PDE1C: variants seen among roughly 807,000 people sequenced by gnomAD.
PDE1C encodes dual specificity calcium/calmodulin-dependent 3',5'-cyclic nucleotide phosphodiesterase 1C.
A neutral mutation model predicts 93.1 loss-of-function variants in PDE1C; 62 were observed. The observed-to-expected ratio is 0.67, with a 90% CI of 0.54 to 0.82. The LOEUF is 0.82. Ranked by LOEUF, PDE1C falls within the 40% of genes least tolerant of loss-of-function variation. PDE1C has a pLI of 0.00. For synonymous variants in PDE1C, 325 were observed against 310.1 expected (o/e 1.05, Z -0.50); for missense variants, 742 against 884.6 (o/e 0.84, Z 2.04).
intron 1 of PDE1C, among the ~76,000 whole-genome samples, chr7:32,247,241 T>TGACA (rs1475091930): frequency 2.7e-4 from 33 of 123,016 alleles, no homozygotes; most frequent in East Asian, 5.0e-4. Flanking sequence ...TTTGTGCGAA[T>TGACA]TGAAGCAGTG....
At chr7:32,251,979 C>T (rs12701207) in intron 1 of PDE1C, among the ~76,000 whole-genome samples, 83,095 of 152,036 alleles carry the variant, frequency 0.55, 24,716 homozygotes, top group Admixed American at 0.67. Context: ...AAAGATGACT[C>T]AACTGATAGA....
At chr7:31,712,829 C>T in the PDE1C span, among the ~76,000 whole-genome samples, 2 of 152,144 alleles carry the variant, frequency 1.3e-5, no homozygotes, top group Admixed American at 1.3e-4. Flanking sequence ...CAGGGGAACT[C>T]CTCTTTTTAA....
chr7:32,338,608 C>T (rs976436585), intron 1 of PDE1C, among the ~76,000 whole-genome samples: 6 of 152,282 alleles, frequency 3.9e-5, no homozygotes, highest in East Asian at 3.9e-4. Flanking sequence ...AATTACCATA[C>T]GATCCAGGAA....
intron 2 of PDE1C, among the ~76,000 whole-genome samples, chr7:31,997,406 A>C (rs1784853221): frequency 6.6e-6 from 1 of 152,228 alleles, no homozygotes; most frequent in Non-Finnish European, 1.5e-5. Context: ...GGTTGGATTC[A>C]GGTCTTTTTG....
chr7:32,233,950 G>A (rs1205112828), intron 1 of PDE1C, among the ~76,000 whole-genome samples: 1 of 151,958 alleles, frequency 6.6e-6, no homozygotes, highest in Non-Finnish European at 1.5e-5. Flanking sequence ...TACAAAGTAT[G>A]TTTTCCTACC....
In PDE1C at chr7:32,131,275, A is replaced by T. The variant is rs1799906901; in HGVS notation, c.308+38510T>A. On this transcript the variant is annotated intron_variant, in intron 3 of 18. Coordinates refer to the PDE1C transcript ENST00000396193. ...CAAGATAGCACTGAATGCCAGACAG[A>T]CGTTTTTGCCAGATAGACATTTTTG... Among the ~76,000 whole-genome samples the T allele has an allele frequency of 3.3e-5, 5 of 152,280 alleles. No individual in the cohort carries two copies. The South Asian group carries it at 1.0e-3, about 32-fold the overall frequency.
At chr7:31,996,378 T>C (rs1784734311) in intron 2 of PDE1C, among the ~76,000 whole-genome samples, 1 of 152,068 alleles carries the variant, frequency 6.6e-6, no homozygotes, top group Non-Finnish European at 1.5e-5. Context: ...GCAGCAGCTC[T>C]GATATAAAGT....
intron 3 of PDE1C, among the ~76,000 whole-genome samples, chr7:32,118,660 T>C (rs1799123540): frequency 6.6e-6 from 1 of 152,076 alleles, no homozygotes. Context: ...AGAGAGGGAA[T>C]GGGGACTGAA....
the PDE1C span, among the ~76,000 whole-genome samples, chr7:31,700,918 T>C: frequency 6.6e-6 from 1 of 152,154 alleles, no homozygotes; most frequent in East Asian, 1.9e-4. Context: ...AAAGACCCTT[T>C]TCAAATTATT....
intron 11 of PDE1C, among the ~76,000 whole-genome samples, chr7:31,835,555 T>C (rs1040565729): frequency 1.6e-4 from 23 of 143,436 alleles, no homozygotes; most frequent in South Asian, 2.3e-4. Context: ...TGTGTGTGTG[T>C]GCGTGCATGT....
At chr7:32,245,827 C>T (rs1327528520) in intron 1 of PDE1C, among the ~76,000 whole-genome samples, 5 of 152,126 alleles carry the variant, frequency 3.3e-5, no homozygotes, top group Admixed American at 6.5e-5. Flanking sequence ...GACTAGCAAG[C>T]GCTCTGGGGT....
intron 1 of PDE1C, among the ~76,000 whole-genome samples, chr7:32,342,399 T>C (rs1783775802): frequency 9.3e-6 from 1 of 107,658 alleles, no homozygotes; most frequent in Non-Finnish European, 2.4e-5. Flanking sequence ...ACTTTTCCTA[T>C]ATAAAATCAA....
At chr7:32,084,981 A>G (rs1321951515) in intron 3 of PDE1C, among the ~76,000 whole-genome samples, 1 of 136,136 alleles carries the variant, frequency 7.3e-6, no homozygotes, top group East Asian at 2.1e-4. Context: ...AAGCTAGCAG[A>G]AGGCAAGAAA....
chr7:31,749,555 G>A (rs1192363824), downstream of PDE1C, among the ~76,000 whole-genome samples: 1 of 152,092 alleles, frequency 6.6e-6, no homozygotes, highest in Non-Finnish European at 1.5e-5. Context: ...AATGTGTGGT[G>A]TAGGGGGTGA....
At chr7:31,658,058 C>G in the PDE1C span, among the ~76,000 whole-genome samples, 2 of 152,144 alleles carry the variant, frequency 1.3e-5, no homozygotes, top group Non-Finnish European at 2.9e-5. Context: ...AAACTCAAGT[C>G]ACATCTTTTC....
chr7:32,411,851 T>A (rs774024446), intron 1 of PDE1C, among the ~76,000 whole-genome samples: 1 of 152,296 alleles, frequency 6.6e-6, no homozygotes, highest in South Asian at 2.1e-4. Context: ...TTTCTTTATA[T>A]CCTTATTCTA....
At chr7:31,792,650 T>C (rs1340539703) in intron 16 of PDE1C, among the ~76,000 whole-genome samples, 2 of 152,078 alleles carry the variant, frequency 1.3e-5, no homozygotes, top group Non-Finnish European at 2.9e-5. Context: ...GGTTTGCAAA[T>C]CAGGCCTGGT....
At chr7:32,423,440 G>C (rs1785471351) in intron 1 of PDE1C, among the ~76,000 whole-genome samples, 1 of 152,314 alleles carries the variant, frequency 6.6e-6, no homozygotes, top group Admixed American at 6.5e-5. Context: ...AGACTTACCA[G>C]AAAGTCGAGA....
At chr7:31,861,490 A>C (rs1794694458) in intron 7 of PDE1C, among the ~76,000 whole-genome samples, 1 of 151,910 alleles carries the variant, frequency 6.6e-6, no homozygotes, top group Non-Finnish European at 1.5e-5. Context: ...CTGTAAATGG[A>C]TGTCTACTAC....
Sources: gnomAD v4.1 joint callset for allele counts (sites outside exome capture counted in the v4.1 genomes callset) on GRCh38, gnomAD v4.1.1 for gene constraint, MANE v1.5 for transcripts, NCBI Gene and HGNC (gene_info 2026-07-23, HGNC 2026-07-21) for gene names.